CELF2: variants seen among roughly 807,000 people sequenced by gnomAD.
CELF2 encodes the protein CUG triplet repeat RNA-binding protein 2.
A neutral mutation model predicts 62.6 loss-of-function variants in CELF2; 8 were observed. That is an observed-to-expected ratio of 0.13 (90% CI 0.07 to 0.23). CELF2 has a LOEUF of 0.23. Among genes scored for constraint, CELF2 ranks in the 10% least tolerant of loss-of-function variants. The pLI is 1.00. For synonymous variants in CELF2, 258 were observed against 250.0 expected, an observed-to-expected ratio of 1.03 and a Z score of -0.30; for missense variants, 333 against 671.0, an observed-to-expected ratio of 0.50 and a Z score of 5.56.
intron 1 of CELF2, among the ~76,000 whole-genome samples, chr10:11,155,374 G>A (rs1018744190): frequency 1.3e-5 from 2 of 152,138 alleles, no homozygotes; most frequent in Non-Finnish European, 2.9e-5. Context: ...CCCTCATCAT[G>A]ACATGGGCCT....
At chr10:11,204,764 G>C (rs527530826) in intron 2 of CELF2, among the ~76,000 whole-genome samples, 1 of 152,348 alleles carries the variant, frequency 6.6e-6, no homozygotes, top group East Asian at 1.9e-4. Flanking sequence ...CTGTGCCCCA[G>C]GCTTCCGCCG....
chr10:10,728,118 T>G, the CELF2 span, among the ~76,000 whole-genome samples: 2 of 150,518 alleles, frequency 1.3e-5, no homozygotes, highest in Admixed American at 1.3e-4. Flanking sequence ...TGAGAATGAT[T>G]TTTTTTTTCT....
chr10:11,158,642 A>T (rs888276382), intron 1 of CELF2, among the ~76,000 whole-genome samples: 6 of 152,120 alleles, frequency 3.9e-5, no homozygotes, highest in Admixed American at 1.3e-4. Flanking sequence ...GGGGTTCTCC[A>T]GCTTTGTGCC....
rs564228313 is a variant in CELF2 at position 11,320,150 on chromosome 10, C to T, written c.1097-1039C>T. ...GAGGCAATTGTGATGTCACCTCTTC[C>T]GTTTCCTGAGTTGATATGAAAGTTA... is the stretch of plus-strand genomic sequence containing the variant. On this transcript the variant is annotated intron_variant, in intron 10 of 12. Transcript: ENST00000633077. 2.0e-4 allele frequency among the ~76,000 whole-genome samples: 30 copies of T among 152,268 alleles called. No homozygotes were observed. In the South Asian group the frequency reaches 2.3e-3, roughly 12 times the overall value.
In CELF2 at chr10:11,191,386, C is replaced by T. The variant is rs972367753; in HGVS notation, c.271+25704C>T. ...TAAGGGGCTCCATCACACATGTACC[C>T]GTCCTCTATTGTGTGGGAGGTACCC... is the stretch of plus-strand genomic sequence containing the variant. On this transcript the variant is annotated intron_variant, in intron 2 of 12. Transcript: ENST00000633077. This position sits in a 1 kb window ranked among gnomAD's most constrained non-coding sequence, Gnocchi z 4.1. Among the ~76,000 whole-genome samples the T allele has an allele frequency of 1.3e-5, 2 of 152,132 alleles. No individual in the cohort carries two copies. Among genetic ancestry groups the T allele is most frequent in the Non-Finnish European group, 2.9e-5 (2 of 68,034 alleles).
intron 1 of CELF2, among the ~76,000 whole-genome samples, chr10:10,829,149 C>T (rs1403858313): frequency 6.6e-6 from 1 of 152,176 alleles, no homozygotes; most frequent in African/African-American, 2.4e-5. Flanking sequence ...CCATAGTTAT[C>T]TTGTCACTGT....
At chr10:11,197,447 T>G (rs2058253212) in intron 2 of CELF2, among the ~76,000 whole-genome samples, 1 of 152,252 alleles carries the variant, frequency 6.6e-6, no homozygotes. Context: ...AAATGGTCCC[T>G]TATTAAATGT....
At chr10:11,134,040 A>G (rs1023008054) in intron 1 of CELF2, among the ~76,000 whole-genome samples, 1 of 152,190 alleles carries the variant, frequency 6.6e-6, no homozygotes, top group Non-Finnish European at 1.5e-5. Flanking sequence ...TATACTTTGC[A>G]TAGACTGTAA....
At chr10:10,513,769 C>A in the CELF2 span, among the ~76,000 whole-genome samples, 4 of 152,192 alleles carry the variant, frequency 2.6e-5, no homozygotes, top group Admixed American at 1.3e-4. Flanking sequence ...ACAGACCATG[C>A]CACATTCTGC....
chr10:11,079,295 A>T (rs2073188424), intron 1 of CELF2, among the ~76,000 whole-genome samples: 1 of 152,178 alleles, frequency 6.6e-6, no homozygotes. Context: ...TTATGTTCCC[A>T]TCTGTAGACC....
chr10:10,892,616 A>G (rs1381914226), intron 1 of CELF2, among the ~76,000 whole-genome samples: 2 of 152,172 alleles, frequency 1.3e-5, no homozygotes, highest in Non-Finnish European at 2.9e-5. Context: ...CATTGTTGTT[A>G]TTTGCCTTCT....
At chr10:10,843,466 C>A (rs900572554) in intron 1 of CELF2, among the ~76,000 whole-genome samples, 1 of 151,918 alleles carries the variant, frequency 6.6e-6, no homozygotes, top group African/African-American at 2.4e-5. Context: ...TGCTGCATGT[C>A]GCAAATTTTT....
At chr10:10,551,716 C>A in the CELF2 span, among the ~76,000 whole-genome samples, 1 of 152,200 alleles carries the variant, frequency 6.6e-6, no homozygotes, top group African/African-American at 2.4e-5. Context: ...CCAGGGCTCC[C>A]CGACAACTGT....
At chr10:10,515,619 G>A in the CELF2 span, among the ~76,000 whole-genome samples, 31 of 152,196 alleles carry the variant, frequency 2.0e-4, no homozygotes, top group Non-Finnish European at 3.4e-4. Context: ...CCCCGTTAAC[G>A]CCACTTGAAA....
At chr10:10,792,733 AAAG>A in the CELF2 span, among the ~76,000 whole-genome samples, 3 of 152,208 alleles carry the variant, frequency 2.0e-5, no homozygotes, top group African/African-American at 4.8e-5. Context: ...CTGGAAATTA[AAAG>A]AAGAACATGA....
intron 1 of CELF2, among the ~76,000 whole-genome samples, chr10:11,106,207 T>TTTTATTTTA (rs2053429514): frequency 1.4e-5 from 2 of 140,440 alleles, no homozygotes; most frequent in South Asian, 4.6e-4. Context: ...TTTTACTTTA[T>TTTTATTTTA]TTTATTTATT....
intron 1 of CELF2, among the ~76,000 whole-genome samples, chr10:11,054,900 A>G (rs1317747014): frequency 6.6e-6 from 1 of 152,230 alleles, no homozygotes; most frequent in African/African-American, 2.4e-5. Flanking sequence ...TTTTTAGTAC[A>G]GATGGGGTTT....
chr10:10,720,785 G>C, the CELF2 span, among the ~76,000 whole-genome samples: 2 of 152,210 alleles, frequency 1.3e-5, no homozygotes, highest in Non-Finnish European at 2.9e-5. Context: ...ATCAACTGTT[G>C]CATGTAACCT....
intron 1 of CELF2, among the ~76,000 whole-genome samples, chr10:11,026,463 TG>T (rs1381296322): frequency 5.3e-5 from 8 of 152,208 alleles, no homozygotes; most frequent in Non-Finnish European, 8.8e-5. Context: ...TGAAATCATT[TG>T]GTCCTTGAAA....
Sources: allele counts gnomAD v4.1 joint callset (sites outside exome capture counted in the v4.1 genomes callset), GRCh38; gene constraint gnomAD v4.1.1; non-coding constraint Gnocchi (gnomAD v3.1); transcripts MANE v1.5; gene names NCBI Gene and HGNC (gene_info 2026-07-23, HGNC 2026-07-21).